The following PACS1 variants were observed in gnomAD, a reference collection of about 807,000 sequenced individuals.
The protein encoded by PACS1 is phosphofurin acidic cluster sorting protein 1.
A neutral mutation model predicts 115.0 loss-of-function variants in PACS1; 24 were observed. That is an observed-to-expected ratio of 0.21 (90% confidence interval 0.15 to 0.29). PACS1 has a LOEUF of 0.29. PACS1 is among the 10% of genes least tolerant of loss of function. The pLI is 1.00. For missense variants in PACS1, 838 were observed against 1,251.2 expected, an observed-to-expected ratio of 0.67 and a Z score of 4.98; for synonymous variants, 453 against 504.5, an observed-to-expected ratio of 0.90 and a Z score of 1.37.
intron 1 of PACS1, among the ~76,000 whole-genome samples, chr11:66,081,183 T>C (rs185600769): frequency 1.5e-3 from 221 of 152,096 alleles, no homozygotes; most frequent in Non-Finnish European, 2.5e-3. Flanking sequence ...CAGTGAGCTG[T>C]GTTCGCACTA....
chr11:66,198,794 C>G (rs1031514951), intron 2 of PACS1, among the ~76,000 whole-genome samples: 1 of 152,110 alleles, frequency 6.6e-6, no homozygotes, highest in Non-Finnish European at 1.5e-5. Context: ...TTTTAAAAAA[C>G]TATGTCTTCT....
intron 1 of PACS1, among the ~76,000 whole-genome samples, chr11:66,128,691 C>G (rs1565117275): frequency 6.6e-6 from 1 of 152,000 alleles, no homozygotes. Context: ...CGAGACCAGC[C>G]TGGCCAACAT....
In PACS1 at chr11:66,216,737, A is replaced by C; in HGVS notation, c.940A>C (p.Thr314Pro). 6.2e-7 allele frequency: 1 copy of C among 1,613,974 alleles called. No individual in the cohort carries two copies. The highest frequency in any genetic ancestry group is 2.2e-5 in the East Asian group (1 of 44,864). The part of the protein sequence containing the change: ...EDEDLRKVKK[T>P]RRKLTSTSAI... ...CGAAGATCTCCGGAAAGTGAAGAAG[A>C]CCCGGAGGAAACTAACCTCAACCTC... The change falls in exon 7 of 24, where the codon ACC (threonine) becomes CCC (proline). Residue 314 changes from threonine (T) to proline (P), a missense_variant. Thr to Pro is a conservative substitution (Grantham distance 38, BLOSUM62 -1). Transcript: ENST00000320580.
chr11:66,138,837 C>T (rs572270972), intron 1 of PACS1, among the ~76,000 whole-genome samples: 1 of 152,048 alleles, frequency 6.6e-6, no homozygotes, highest in Admixed American at 6.6e-5. Context: ...CATGCGCCAC[C>T]ACGCCCAGCT....
At chr11:66,159,763 G>A (rs1349251357) in intron 1 of PACS1, among the ~76,000 whole-genome samples, 3 of 152,306 alleles carry the variant, frequency 2.0e-5, no homozygotes, top group East Asian at 1.9e-4. Context: ...TTAACAAGCT[G>A]TAAGGAAATG....
At chr11:66,107,224 C>A (rs1318701352) in intron 1 of PACS1, among the ~76,000 whole-genome samples, 1 of 152,164 alleles carries the variant, frequency 6.6e-6, no homozygotes, top group South Asian at 2.1e-4. Flanking sequence ...TTTGCTCTTT[C>A]CTGAAAATGT....
intron 1 of PACS1, among the ~76,000 whole-genome samples, chr11:66,136,092 C>A (rs145093921): frequency 6.6e-6 from 1 of 152,242 alleles, no homozygotes; most frequent in East Asian, 1.9e-4. Flanking sequence ...ATTGGACTGT[C>A]GTAAATGACG....
At position 66,236,987 on chromosome 11, in the gene PACS1, C is replaced by T. The variant is rs1166813748; in HGVS notation, c.2250+1047C>T. Among the ~76,000 whole-genome samples, 1 of 152,112 alleles carries T rather than the reference C, an allele frequency of 6.6e-6. No homozygotes were observed. The highest frequency in any genetic ancestry group is 1.5e-5 in the Non-Finnish European group (1 of 68,014). On this transcript the variant is annotated intron_variant, in intron 19 of 23. Coordinates refer to ENST00000320580, the MANE Select transcript of PACS1 (RefSeq NM_018026.4). This position sits in a 1 kb window ranked among gnomAD's most constrained non-coding sequence, Gnocchi z 4.2. Reference sequence around the variant, plus strand: ...AGGCGGGAGTGCAGTGGCGCGATCTCGACTCACTGCAACCTCCGCCTCCCA... The same window carrying T: ...AGGCGGGAGTGCAGTGGCGCGATCTTGACTCACTGCAACCTCCGCCTCCCA...
intron 1 of PACS1, among the ~76,000 whole-genome samples, chr11:66,180,401 C>A (rs1859980199): frequency 6.6e-6 from 1 of 151,916 alleles, no homozygotes; most frequent in African/African-American, 2.4e-5. Flanking sequence ...TGTTGCCAGG[C>A]TGGAGTGCAG....
intron 1 of PACS1, among the ~76,000 whole-genome samples, chr11:66,150,267 A>G (rs1411700586): frequency 2.6e-5 from 4 of 152,222 alleles, no homozygotes; most frequent in African/African-American, 9.7e-5. Context: ...CTTTCTCCCA[A>G]AAATAACCAT....
chr11:66,151,595 T>G (rs549141843), intron 1 of PACS1, among the ~76,000 whole-genome samples: 1 of 152,344 alleles, frequency 6.6e-6, no homozygotes, highest in Admixed American at 6.5e-5. Flanking sequence ...GCAAGTTAAC[T>G]GCCTACTAGA....
intron 1 of PACS1, among the ~76,000 whole-genome samples, chr11:66,166,426 C>T (rs976590372): frequency 2.6e-5 from 4 of 152,124 alleles, no homozygotes; most frequent in African/African-American, 9.7e-5. Flanking sequence ...GGATCACAGG[C>T]GTGAGCCACC....
At chr11:66,109,464 T>C (rs1230042694) in intron 1 of PACS1, among the ~76,000 whole-genome samples, 2 of 152,158 alleles carry the variant, frequency 1.3e-5, no homozygotes, top group African/African-American at 4.8e-5. Flanking sequence ...AGTGTGTGCA[T>C]AGTTTACCAC....
At chr11:66,232,708 G>C (rs1855621595) in intron 14 of PACS1, among the ~76,000 whole-genome samples, 1 of 151,880 alleles carries the variant, frequency 6.6e-6, no homozygotes. Flanking sequence ...CTGGTGCCGG[G>C]GACACCTGGA....
At chr11:66,172,833 G>T (rs1272169139) in intron 1 of PACS1, among the ~76,000 whole-genome samples, 1 of 152,042 alleles carries the variant, frequency 6.6e-6, no homozygotes, top group Non-Finnish European at 1.5e-5. Context: ...AAAATTAGCT[G>T]GGCGTGGTGG....
chr11:66,181,494 G>A (rs907391599), intron 1 of PACS1, among the ~76,000 whole-genome samples: 1 of 151,986 alleles, frequency 6.6e-6, no homozygotes, highest in Non-Finnish European at 1.5e-5. Context: ...GGTTATAGAC[G>A]TAAGCCACCC....
At chr11:66,180,278 T>C (rs1212365957) in intron 1 of PACS1, among the ~76,000 whole-genome samples, 1 of 152,228 alleles carries the variant, frequency 6.6e-6, no homozygotes. Context: ...GCTTTTTTGG[T>C]TGATTCTCTT....
chr11:66,120,530 T>G (rs1374804283), intron 1 of PACS1, among the ~76,000 whole-genome samples: 1 of 152,216 alleles, frequency 6.6e-6, no homozygotes, highest in African/African-American at 2.4e-5. Flanking sequence ...TTATTTGAAT[T>G]ACATGCAATT....
At chr11:66,185,116 C>T (rs909674852) in intron 1 of PACS1, among the ~76,000 whole-genome samples, 1 of 152,124 alleles carries the variant, frequency 6.6e-6, no homozygotes, top group Non-Finnish European at 1.5e-5. Flanking sequence ...CAAAGACAGG[C>T]TAAAACACTG....
Sources: allele counts gnomAD v4.1 joint callset (sites outside exome capture counted in the v4.1 genomes callset), GRCh38; gene constraint gnomAD v4.1.1; non-coding constraint Gnocchi (gnomAD v3.1); transcripts MANE v1.5; gene names NCBI Gene and HGNC (gene_info 2026-07-23, HGNC 2026-07-21).